Variants in NKAPD1 observed in about 807,000 individuals in gnomAD.
The protein encoded by NKAPD1 is NKAP domain containing 1.
A neutral mutation model predicts 30.9 loss-of-function variants in NKAPD1; 12 were observed. The observed-to-expected ratio is 0.39, with a 90% confidence interval of 0.25 to 0.63. The LOEUF is 0.63. Among genes scored for constraint, NKAPD1 ranks in the 20% least tolerant of loss-of-function variants. NKAPD1 has a pLI of 0.51. For missense variants in NKAPD1, 311 were observed against 344.5 expected (o/e 0.90, Z 0.77); for synonymous variants, 91 against 113.6 (o/e 0.80, Z 1.26).
At position 112,085,067 on chromosome 11, in the gene NKAPD1, T is replaced by C. The variant is rs1865559316; in HGVS notation, c.*2095T>C. On this transcript the variant is annotated 3_prime_UTR_variant, in exon 6 of 6. Coordinates refer to ENST00000393047, the MANE Select transcript of NKAPD1 (RefSeq NM_018195.4). Reference sequence around the variant, plus strand: ...TTCTAAAATGGGATTAAAAGAAGAGTTGGAGAATTCACACTTATTGAGTAA... The same window carrying C: ...TTCTAAAATGGGATTAAAAGAAGAGCTGGAGAATTCACACTTATTGAGTAA... The C allele has an allele frequency of 2.5e-6, 1 of 396,696 alleles. No individual in the cohort carries two copies. The highest frequency in any genetic ancestry group is 8.0e-5 in the South Asian group (1 of 12,498). 24.6% of individuals were successfully genotyped at this position (396,696 alleles called of 1,614,324 possible). A position where few individuals can be genotyped will look rare whatever the true frequency, so the allele number is the denominator to read the frequency against.
At position 112,083,160 on chromosome 11, in the gene NKAPD1, G is replaced by A. The variant is rs1865498418; in HGVS notation, c.*188G>A. 1.9e-6 allele frequency: 1 copy of A among 531,726 alleles called. No homozygotes were observed. Among genetic ancestry groups the A allele is most frequent in the East Asian group, 3.1e-5 (1 of 32,718 alleles). The allele number at this position is 531,726 out of a possible 1,614,324, so 32.9% of individuals were successfully genotyped here. ...TTGATCCCCTTTTCTTGTTAAAAGG[G>A]AATCTGGTATTTTGTTATGAAGGTT... On this transcript the variant is annotated 3_prime_UTR_variant, in exon 6 of 6. Transcript: ENST00000393047.
rs746388981 is a variant in NKAPD1 at position 112,084,121 on chromosome 11, A to C, written c.*1149A>C. ...TTGTCACTTAATGGGCTGAGTAAAA[A>C]GCTTGAAAACTCAGACTTTCGGTCT... On this transcript the variant is annotated 3_prime_UTR_variant, in exon 6 of 6. Coordinates refer to ENST00000393047, the MANE Select transcript of NKAPD1 (RefSeq NM_018195.4). 2.6e-5 allele frequency: 4 copies of C among 152,632 alleles called. No homozygotes were observed. The highest frequency in any genetic ancestry group is 5.9e-5 in the Non-Finnish European group (4 of 68,036). The allele number at this position is 152,632 out of a possible 1,614,324, so 9.5% of individuals were successfully genotyped here. A position where few individuals can be genotyped will look rare whatever the true frequency, so the allele number is the denominator to read the frequency against.
At chr11:112,081,810 C>A in intron 4 of NKAPD1, 172 bp from the exon 5 acceptor site, 2 of 608,780 alleles carry the variant, frequency 3.3e-6, no homozygotes, top group South Asian at 1.8e-5. Context: ...TGATAGTGTA[C>A]AGTACAGGAA....
Position 112,080,526 on chromosome 11 carries a change from G to A in NKAPD1, c.288G>A (p.Lys96=). 3 of 1,613,956 alleles carry A rather than the reference G, an allele frequency of 1.9e-6. No homozygotes were observed. Among genetic ancestry groups the A allele is most frequent in the East Asian group, 4.5e-5 (2 of 44,858 alleles). ...TTAAGGCTAAATCCTGGAATAAAAA[G>A]TTCTATGATTATGAAGCAAACATGC... is the stretch of plus-strand genomic sequence containing the variant. ...DFLKAKSWNK[K]FYDYEANMPD... is the part of the protein sequence containing the mutation. Residue 96 remains lysine, a synonymous_variant, in exon 4 of 6, where the codon AAG becomes AAA. Coordinates refer to ENST00000393047, the MANE Select transcript of NKAPD1 (RefSeq NM_018195.4).
At position 112,084,314 on chromosome 11, in the gene NKAPD1, TCTAA is replaced by T. The variant is rs946137138; in HGVS notation, c.*1345_*1348del. On this transcript the variant is annotated 3_prime_UTR_variant, in exon 6 of 6. Coordinates refer to ENST00000393047, the MANE Select transcript of NKAPD1 (RefSeq NM_018195.4). ...CATTCCATGAGTTGGTATTTTTAGT[TCTAA>T]CTGCTAAATTTGTTCTCTTTACGGG... 25 of 152,650 alleles carry T rather than the reference TCTAA, an allele frequency of 1.6e-4. No individual in the cohort carries two copies. Among genetic ancestry groups the T allele is most frequent in the Non-Finnish European group, 3.2e-4 (22 of 68,044 alleles). The allele number at this position is 152,650 out of a possible 1,614,324, so 9.5% of individuals were successfully genotyped here.
Position 112,083,077 on chromosome 11 carries a change from T to A in NKAPD1, c.*105T>A, listed in dbSNP as rs1459538903. On this transcript the variant is annotated 3_prime_UTR_variant, in exon 6 of 6. Coordinates refer to ENST00000393047, the MANE Select transcript of NKAPD1 (RefSeq NM_018195.4). ...TCAGCACGGGGCCTGAGGTCAGAGC[T>A]GTCTTGTGCCATCTGTATGTTCTGA... 2 of 1,202,708 alleles carry A rather than the reference T, an allele frequency of 1.7e-6. No homozygotes were observed. The highest frequency in any genetic ancestry group is 5.2e-5 in the Admixed American group (2 of 38,442). 74.5% of individuals were successfully genotyped at this position (1,202,708 alleles called of 1,614,324 possible).
chr11:112,082,570 A>G lies in NKAPD1; in HGVS notation c.480A>G (p.Lys160=). The change falls in exon 6 of 6, where the codon AAA becomes AAG. Residue 160 remains lysine (K), a synonymous_variant. Coordinates refer to ENST00000393047, the MANE Select transcript of NKAPD1 (RefSeq NM_018195.4). ...AGAAGTCAAAGAAATCCCACAAAAA[A>G]AAGCAGAAAAAAAGGTCACACAAAA... ...KHKKSKKSHK[K]KQKKRSHKKQ... 1 of 1,613,272 alleles carries G rather than the reference A, an allele frequency of 6.2e-7. No homozygotes were observed. Among genetic ancestry groups the G allele is most frequent in the Non-Finnish European group, 8.5e-7 (1 of 1,179,910 alleles).
chr11:112,082,830 C>T lies in NKAPD1; in HGVS notation c.740C>T (p.Thr247Ile). The change falls in exon 6 of 6, where the codon ACT (threonine) becomes ATT (isoleucine). Residue 247 changes from threonine to isoleucine, a missense_variant. Coordinates refer to ENST00000393047, the MANE Select transcript of NKAPD1 (RefSeq NM_018195.4). ...TCTGAGGAAAGTGAGGAAAGAGACA[C>T]TAAGAAAACCAAAAGGAAAAAGAGA... Reference protein sequence around the residue: ...SSSEESEERDTKKTKRKKREK... With the variant: ...SSSEESEERDIKKTKRKKREK... 6.2e-7 allele frequency: 1 copy of T among 1,613,822 alleles called. No homozygotes were observed. The highest frequency in any genetic ancestry group is 8.5e-7 in the Non-Finnish European group (1 of 1,179,948).
Position 112,080,797 on chromosome 11 carries a change from A to G in NKAPD1, c.320+239A>G, listed in dbSNP as rs150842114. Reference sequence around the variant, plus strand: ...AGTAAAAGAAATGAAGTACAGATACATGTTACAACGTGGCCTTGAAAACAT... The same window carrying G: ...AGTAAAAGAAATGAAGTACAGATACGTGTTACAACGTGGCCTTGAAAACAT... On this transcript the variant is annotated intron_variant, in intron 4 of 5. Transcript: ENST00000393047. 6.5e-4 allele frequency: 301 copies of G among 465,074 alleles called. 2 individuals carry two copies. Among genetic ancestry groups the G allele is most frequent in the African/African-American group, 5.3e-3 (268 of 50,518 alleles). 28.8% of individuals were successfully genotyped at this position (465,074 alleles called of 1,614,324 possible). A position where few individuals can be genotyped will look rare whatever the true frequency, so the allele number is the denominator to read the frequency against.
At chr11:112,075,324 C>A (rs1865299000) in intron 1 of NKAPD1, among the ~76,000 whole-genome samples, 1 of 152,166 alleles carries the variant, frequency 6.6e-6, no homozygotes, top group Admixed American at 6.5e-5. Flanking sequence ...CATGAAAGCA[C>A]TTAATTTTAT....
At position 112,082,607 on chromosome 11, in the gene NKAPD1, A is replaced by G. The variant is rs1865479912; in HGVS notation, c.517A>G (p.Ser173Gly). ...KKRSHKKQKK[S>G]KKEATDITAD... ...AAGGTCACACAAAAAACAGAAGAAA[A>G]GCAAAAAGGAAGCCACAGATATAAC... The change falls in exon 6 of 6, where the codon AGC (serine) becomes GGC (glycine). Residue 173 changes from serine to glycine, a missense_variant. Transcript: ENST00000393047. 6.2e-7 allele frequency: 1 copy of G among 1,613,216 alleles called. No homozygotes were observed. The highest frequency in any genetic ancestry group is 1.1e-5 in the South Asian group (1 of 90,766).
In NKAPD1 at chr11:112,082,428, T is replaced by A. The variant is rs776606388; in HGVS notation, c.375-37T>A. Reference sequence around the variant, plus strand: ...ATATTAAAATAATACGCTTTTTTTTTACATAAAAGCTTCTATTTTTTAACT... The same window carrying A: ...ATATTAAAATAATACGCTTTTTTTTAACATAAAAGCTTCTATTTTTTAACT... On this transcript the variant is annotated intron_variant, in intron 5 of 5. Coordinates refer to ENST00000393047, the MANE Select transcript of NKAPD1 (RefSeq NM_018195.4). 7.7e-6 allele frequency: 11 copies of A among 1,437,120 alleles called. No individual in the cohort carries two copies. The African/African-American group carries it at 1.0e-4, about 13-fold the overall frequency. The allele number at this position is 1,437,120 out of a possible 1,614,324, so 89.0% of individuals were successfully genotyped here.
intron 2 of NKAPD1, 126 bp downstream of exon 2, chr11:112,075,769 C>A: frequency 1.2e-6 from 1 of 850,686 alleles, no homozygotes; most frequent in Non-Finnish European, 1.8e-6. Context: ...AGCTTCCGTA[C>A]ACAGTAGGAA....
intron 2 of NKAPD1, 54 bp from the exon 3 acceptor site, chr11:112,078,161 T>C: frequency 1.5e-6 from 2 of 1,376,472 alleles, no homozygotes; most frequent in Non-Finnish European, 2.0e-6. Context: ...TACTTTTCTG[T>C]AATGTAAAGT....
Position 112,083,385 on chromosome 11 carries a change from T to C in NKAPD1, c.*413T>C, listed in dbSNP as rs1865504107. The C allele has an allele frequency of 6.4e-6, 1 of 156,808 alleles. No individual in the cohort carries two copies. Among genetic ancestry groups the C allele is most frequent in the African/African-American group, 2.4e-5 (1 of 41,528 alleles). 9.7% of individuals were successfully genotyped at this position (156,808 alleles called of 1,614,324 possible). ...GTAGGATGGTATGACAAGGCAACAC[T>C]GTATTGCTCTCTGTTTATATAGCAG... is the stretch of plus-strand genomic sequence containing the variant. On this transcript the variant is annotated 3_prime_UTR_variant, in exon 6 of 6. Transcript: ENST00000393047.
At chr11:112,081,864 A>C (rs1430019292) in intron 4 of NKAPD1, 118 bp from the exon 5 acceptor site, 11 of 774,330 alleles carry the variant, frequency 1.4e-5, no homozygotes, top group South Asian at 1.2e-4. Context: ...GTTCTACCAT[A>C]TCTCTACTTT....
chr11:112,082,888 T>G lies in NKAPD1; in HGVS notation c.798T>G (p.Asn266Lys), dbSNP rs1469201232. The change falls in exon 6 of 6, where the codon AAT (asparagine) becomes AAG (lysine). Residue 266 changes from asparagine to lysine, a missense_variant. Physicochemically the swap from Asn to Lys is moderately conservative, Grantham distance 94. Transcript: ENST00000393047. ...AAGCCCATACCTCTGTAGCCAACAATGAAATACAGGAGAGGACAAACAAAC... is the reference window on the plus strand; with the variant it reads ...AAGCCCATACCTCTGTAGCCAACAAGGAAATACAGGAGAGGACAAACAAAC... ...EKKAHTSVANNEIQERTNKRT... is the reference protein window; with the variant it reads ...EKKAHTSVANKEIQERTNKRT... 5 of 1,613,096 alleles carry G rather than the reference T, an allele frequency of 3.1e-6. No individual in the cohort carries two copies. Among genetic ancestry groups the G allele is most frequent in the African/African-American group, 1.3e-5 (1 of 74,688 alleles).
rs977666668 is a variant in NKAPD1 at position 112,084,793 on chromosome 11, T to C, written c.*1821T>C. Reference sequence around the variant, plus strand: ...CTTGTTCTTTCGCAAGGAATACACATCTTGCCTTTTTTTTTTTTTTTTTGC... The same window carrying C: ...CTTGTTCTTTCGCAAGGAATACACACCTTGCCTTTTTTTTTTTTTTTTTGC... On this transcript the variant is annotated 3_prime_UTR_variant, in exon 6 of 6. Coordinates refer to ENST00000393047, the MANE Select transcript of NKAPD1 (RefSeq NM_018195.4). 2 of 142,600 alleles carry C rather than the reference T, an allele frequency of 1.4e-5. No individual in the cohort carries two copies. Among genetic ancestry groups the C allele is most frequent in the Non-Finnish European group, 3.0e-5 (2 of 65,932 alleles). The allele number at this position is 142,600 out of a possible 1,614,324, so 8.8% of individuals were successfully genotyped here. A position where few individuals can be genotyped will look rare whatever the true frequency, so the allele number is the denominator to read the frequency against.
intron 3 of NKAPD1, among the ~76,000 whole-genome samples, chr11:112,079,128 G>C (rs1865390730): frequency 6.7e-6 from 1 of 148,658 alleles, no homozygotes; most frequent in Non-Finnish European, 1.5e-5. Flanking sequence ...CTGGTACATA[G>C]GAGGCCCTTA....
Sources: allele counts gnomAD v4.1 joint callset (sites outside exome capture counted in the v4.1 genomes callset), GRCh38; gene constraint gnomAD v4.1.1; transcripts MANE v1.5; gene names NCBI Gene and HGNC (gene_info 2026-07-23, HGNC 2026-07-21).